Variants in DCC observed in about 807,000 individuals in gnomAD.
The protein encoded by DCC is DCC netrin 1 receptor.
In DCC, 58 loss-of-function variants were observed where a neutral mutation model predicts 172.5. The observed-to-expected ratio is 0.34, with a 90% confidence interval of 0.27 to 0.42. The LOEUF (loss-of-function observed/expected upper bound fraction) is 0.42, where lower values mean the gene tolerates loss of function less well. Ranked by LOEUF, DCC falls within the 10% of genes least tolerant of loss-of-function variation. DCC has a pLI of 1.00. For missense variants in DCC, 1,740 were observed against 1,791.0 expected (o/e 0.97, Z 0.51); for synonymous variants, 709 against 644.5 (o/e 1.10, Z -1.52).
intron 1 of DCC, among the ~76,000 whole-genome samples, chr18:52,647,492 A>C (rs1448978671): frequency 6.6e-6 from 1 of 152,148 alleles, no homozygotes; most frequent in African/African-American, 2.4e-5. Context: ...GGCTCAATGG[A>C]GGAGAGGTAG....
chr18:52,794,427 G>T (rs911809731), intron 2 of DCC, among the ~76,000 whole-genome samples: 3 of 151,882 alleles, frequency 2.0e-5, no homozygotes, highest in Non-Finnish European at 2.9e-5. Flanking sequence ...ATGAGATCAC[G>T]TCCTTCATTT....
At chr18:53,048,030 C>A (rs1381589570) in intron 5 of DCC, among the ~76,000 whole-genome samples, 1 of 151,936 alleles carries the variant, frequency 6.6e-6, no homozygotes, top group Middle Eastern at 3.4e-3. Flanking sequence ...TTTCCCCACA[C>A]TATTAAAGGC....
chr18:52,624,782 G>C (rs375774220), intron 1 of DCC, among the ~76,000 whole-genome samples: 1 of 152,172 alleles, frequency 6.6e-6, no homozygotes, highest in African/African-American at 2.4e-5. Flanking sequence ...GCATAGGCAG[G>C]CTTTTCCATC....
intron 14 of DCC, among the ~76,000 whole-genome samples, chr18:53,338,450 A>G (rs2057616113): frequency 6.6e-6 from 1 of 152,150 alleles, no homozygotes; most frequent in African/African-American, 2.4e-5. Context: ...AAAAATACAA[A>G]AATTAGCCAA....
chr18:52,970,317 T>G (rs1174729739), intron 5 of DCC, among the ~76,000 whole-genome samples: 1 of 152,144 alleles, frequency 6.6e-6, no homozygotes, highest in Non-Finnish European at 1.5e-5. Context: ...TTGTCACATG[T>G]AAAGATAGTT....
chr18:52,426,682 C>A (rs556685840), intron 1 of DCC, among the ~76,000 whole-genome samples: 1 of 151,864 alleles, frequency 6.6e-6, no homozygotes, highest in Admixed American at 6.6e-5. Flanking sequence ...TTTAGTTAGT[C>A]TTTGTAGAGG....
At chr18:53,390,767 T>C (rs1321956568) in intron 16 of DCC, among the ~76,000 whole-genome samples, 2 of 152,200 alleles carry the variant, frequency 1.3e-5, no homozygotes, top group Non-Finnish European at 2.9e-5. Context: ...CATTATATTA[T>C]GGATCAAAGC....
At chr18:53,467,765 A>C in intron 24 of DCC, 129 bp from the exon 25 acceptor site, 2 of 753,576 alleles carry the variant, frequency 2.7e-6, no homozygotes, top group Admixed American at 1.7e-5. Flanking sequence ...AGATTCAGGT[A>C]ACAAGAAGGT....
chr18:52,960,494 G>A (rs536967760), intron 5 of DCC, among the ~76,000 whole-genome samples: 2 of 151,878 alleles, frequency 1.3e-5, no homozygotes, highest in African/African-American at 4.8e-5. Flanking sequence ...TACCCATTTG[G>A]GAAACTCATT....
At chr18:53,360,635 T>G (rs2057935465) in intron 15 of DCC, among the ~76,000 whole-genome samples, 1 of 152,102 alleles carries the variant, frequency 6.6e-6, no homozygotes, top group Non-Finnish European at 1.5e-5. Flanking sequence ...TAAATTAACT[T>G]GTATAAATGA....
intron 1 of DCC, among the ~76,000 whole-genome samples, chr18:52,474,203 A>G (rs1989024420): frequency 8.5e-6 from 1 of 118,338 alleles, no homozygotes; most frequent in Admixed American, 1.0e-4. Context: ...ATTGTAACAG[A>G]CCTAGAGAGA....
rs746443734 is a variant in DCC at position 53,437,525 on chromosome 18, G to A, written c.3229+2316G>A. On this transcript the variant is annotated intron_variant, in intron 22 of 28. Transcript: ENST00000442544. ...TTGAACCCAGGAGGCAGAGGTTGCAGTGAGCCGAGATCACACCACTACACT... is the reference window on the plus strand; with the variant it reads ...TTGAACCCAGGAGGCAGAGGTTGCAATGAGCCGAGATCACACCACTACACT... Among the ~76,000 whole-genome samples, 86 of 135,284 alleles carry A rather than the reference G, an allele frequency of 6.4e-4. No homozygotes were observed. The Middle Eastern group carries it at 0.015, about 23-fold the overall frequency. 88.8% of individuals were successfully genotyped at this position (135,284 alleles called of 152,430 possible).
chr18:52,434,818 C>T (rs1248957343), intron 1 of DCC, among the ~76,000 whole-genome samples: 1 of 152,124 alleles, frequency 6.6e-6, no homozygotes, highest in African/African-American at 2.4e-5. Context: ...CACCTCCCCA[C>T]GCCCGTCCCT....
intron 15 of DCC, among the ~76,000 whole-genome samples, chr18:53,373,777 G>T (rs1006838937): frequency 2.8e-4 from 42 of 152,276 alleles, no homozygotes; most frequent in Non-Finnish European, 2.9e-4. Flanking sequence ...AAAGTTTCAT[G>T]AACTGAGGCA....
chr18:53,217,108 C>A (rs986166366), intron 12 of DCC, among the ~76,000 whole-genome samples: 5 of 151,974 alleles, frequency 3.3e-5, no homozygotes, highest in Middle Eastern at 3.2e-3. Flanking sequence ...TGTGTTCATA[C>A]CCTTTAAGAG....
chr18:53,348,463 T>C (rs976253028), intron 15 of DCC, among the ~76,000 whole-genome samples: 2 of 152,198 alleles, frequency 1.3e-5, no homozygotes. Flanking sequence ...TGAGTGTCTG[T>C]GGCTTTTCCA....
chr18:52,890,432 C>T (rs1598902696), intron 2 of DCC, among the ~76,000 whole-genome samples: 1 of 152,128 alleles, frequency 6.6e-6, no homozygotes, highest in South Asian at 2.1e-4. Flanking sequence ...AACAAGAATT[C>T]CTAGTAAATG....
intron 2 of DCC, among the ~76,000 whole-genome samples, chr18:52,877,051 G>T (rs548836324): frequency 6.6e-6 from 1 of 152,010 alleles, no homozygotes; most frequent in Non-Finnish European, 1.5e-5. Context: ...TGTATTCATT[G>T]TTTACCTGAA....
chr18:52,946,931 T>C (rs1028694272), intron 5 of DCC, among the ~76,000 whole-genome samples: 2 of 152,068 alleles, frequency 1.3e-5, no homozygotes, highest in African/African-American at 4.8e-5. Context: ...AACGCAAACA[T>C]CCATAATAAA....
Sources: gnomAD v4.1 joint callset for allele counts (sites outside exome capture counted in the v4.1 genomes callset) on GRCh38, gnomAD v4.1.1 for gene constraint, MANE v1.5 for transcripts, NCBI Gene and HGNC (gene_info 2026-07-23, HGNC 2026-07-21) for gene names.